PTPRR: variants seen among roughly 807,000 people sequenced by gnomAD.
PTPRR encodes receptor-type tyrosine-protein phosphatase R.
Under a neutral mutation model 77.2 loss-of-function variants are expected in PTPRR, and 38 were observed. That is an observed-to-expected ratio of 0.49 (90% confidence interval 0.38 to 0.65). The LOEUF is 0.65. Among genes scored for constraint, PTPRR ranks in the 30% least tolerant of loss-of-function variants. The probability of loss-of-function intolerance (pLI) is 0.00; values close to 1 mark genes in which losing one functional copy is unlikely to be tolerated. For missense variants in PTPRR, 744 were observed against 799.2 expected, an observed-to-expected ratio of 0.93 and a Z score of 0.83; for synonymous variants, 299 against 283.1, an observed-to-expected ratio of 1.06 and a Z score of -0.57.
chr12:70,761,719 C>A, intron 3 of PTPRR, 93 bp from the exon 4 acceptor site: 1 of 1,011,200 alleles, frequency 9.9e-7, no homozygotes, highest in South Asian at 2.7e-5. Flanking sequence ...TAAAGGAAGT[C>A]AGAATTCTAG....
chr12:70,848,610 C>G (rs1018027503), intron 2 of PTPRR, among the ~76,000 whole-genome samples: 2 of 152,142 alleles, frequency 1.3e-5, no homozygotes, highest in African/African-American at 4.8e-5. Flanking sequence ...ACATGAGCAA[C>G]CACATCCAGC....
At chr12:70,679,062 T>C (rs1424598721) in intron 10 of PTPRR, among the ~76,000 whole-genome samples, 1 of 152,238 alleles carries the variant, frequency 6.6e-6, no homozygotes. Context: ...TAAGCATTTA[T>C]TGATATAAAC....
chr12:70,692,759 C>A (rs2136758436), intron 8 of PTPRR, among the ~76,000 whole-genome samples: 1 of 152,278 alleles, frequency 6.6e-6, no homozygotes, highest in African/African-American at 2.4e-5. Context: ...GAAGTTCTCC[C>A]TGACCTTCCC....
rs560643236 is a variant in PTPRR at position 70,869,498 on chromosome 12, T to C, written c.357+23181A>G. 2.6e-5 allele frequency among the ~76,000 whole-genome samples: 4 copies of C among 152,336 alleles called. 1 individual carries two copies. The South Asian group carries it at 6.2e-4, about 24-fold the overall frequency. ...TTAGCAACTGTGGTAGACTGAATAATAGGCCCCCAAAGAGGTCTGTGTTTT... is the reference window on the plus strand; with the variant it reads ...TTAGCAACTGTGGTAGACTGAATAACAGGCCCCCAAAGAGGTCTGTGTTTT... On this transcript the variant is annotated intron_variant, in intron 2 of 13. Coordinates refer to ENST00000283228, the MANE Select transcript of PTPRR (RefSeq NM_002849.4).
intron 2 of PTPRR, among the ~76,000 whole-genome samples, chr12:70,860,859 C>T (rs1292160925): frequency 1.3e-5 from 2 of 152,080 alleles, no homozygotes; most frequent in African/African-American, 4.8e-5. Context: ...ACAACTGAAG[C>T]CTCTTCCTTG....
chr12:70,903,216 T>C (rs553928477), intron 1 of PTPRR, among the ~76,000 whole-genome samples: 57 of 151,962 alleles, frequency 3.8e-4, no homozygotes, highest in Admixed American at 3.3e-3. Flanking sequence ...CAATAATTTA[T>C]TGTGTATTTC....
At position 70,892,674 on chromosome 12, in the gene PTPRR, C is replaced by T. The variant is rs757532249; in HGVS notation, c.357+5G>A. The T allele has an allele frequency of 1.2e-6, 2 of 1,612,706 alleles. No individual in the cohort carries two copies. Among genetic ancestry groups the T allele is most frequent in the Non-Finnish European group, 1.7e-6 (2 of 1,178,942 alleles). The stretch of plus-strand genomic sequence containing the variant: ...GCCTCAGCATCAGTTTAACATACTA[C>T]TTACCACCACAATTACATTTGCTGC... On this transcript the variant is annotated splice_donor_5th_base_variant and intron_variant, in intron 2 of 13. Coordinates refer to ENST00000283228, the MANE Select transcript of PTPRR (RefSeq NM_002849.4).
chr12:70,850,738 T>A (rs4760765), intron 2 of PTPRR, among the ~76,000 whole-genome samples: 1 of 152,004 alleles, frequency 6.6e-6, no homozygotes, highest in African/African-American at 2.4e-5. Flanking sequence ...TTGATGTACC[T>A]TTCACTCTCG....
intron 8 of PTPRR, among the ~76,000 whole-genome samples, chr12:70,686,091 C>A (rs116540554): frequency 1.3e-5 from 2 of 152,160 alleles, no homozygotes; most frequent in South Asian, 4.1e-4. Flanking sequence ...AAATTCAATG[C>A]TTTTCAGCTT....
At chr12:70,793,447 G>A (rs1202693883) in intron 2 of PTPRR, among the ~76,000 whole-genome samples, 2 of 152,112 alleles carry the variant, frequency 1.3e-5, no homozygotes, top group Non-Finnish European at 2.9e-5. Context: ...GGTGGAAGTG[G>A]TCCAGTCAAA....
chr12:70,763,386 C>G (rs763248102), intron 3 of PTPRR, among the ~76,000 whole-genome samples: 3 of 152,166 alleles, frequency 2.0e-5, no homozygotes, highest in Non-Finnish European at 4.4e-5. Context: ...ACCCTCCTGG[C>G]CTCCCAAAGT....
At chr12:70,682,743 A>T (rs748160157) in intron 10 of PTPRR, among the ~76,000 whole-genome samples, 5 of 152,272 alleles carry the variant, frequency 3.3e-5, no homozygotes, top group South Asian at 2.1e-4. Flanking sequence ...CTGTGAAGGA[A>T]TTGTCAGTGG....
At chr12:70,833,393 T>A (rs529207720) in intron 2 of PTPRR, among the ~76,000 whole-genome samples, 1 of 152,082 alleles carries the variant, frequency 6.6e-6, no homozygotes, top group South Asian at 2.1e-4. Flanking sequence ...ATGGAGGTGA[T>A]GAATTCAGTG....
intron 5 of PTPRR, among the ~76,000 whole-genome samples, chr12:70,750,927 A>G (rs1348522360): frequency 6.7e-6 from 1 of 148,830 alleles, no homozygotes. Flanking sequence ...TTTTGTAAAG[A>G]CAGGGTCTCA....
At chr12:70,837,716 T>C (rs568750979) in intron 2 of PTPRR, among the ~76,000 whole-genome samples, 1 of 152,188 alleles carries the variant, frequency 6.6e-6, no homozygotes, top group South Asian at 2.1e-4. Flanking sequence ...TGGGTTTTCA[T>C]GGAGGCTTCA....
intron 10 of PTPRR, chr12:70,664,811 C>T (rs557029554): frequency 8.6e-4 from 131 of 152,276 alleles, no homozygotes; most frequent in African/African-American, 3.1e-3. Context: ...CATCCCATCT[C>T]CTTTCTGAGA....
chr12:70,804,943 T>C (rs1261291539), intron 2 of PTPRR, among the ~76,000 whole-genome samples: 1 of 152,228 alleles, frequency 6.6e-6, no homozygotes, highest in Non-Finnish European at 1.5e-5. Context: ...AAAGATCATG[T>C]CCATATATTC....
At chr12:70,909,328 T>C (rs1322426528) in intron 1 of PTPRR, among the ~76,000 whole-genome samples, 1 of 152,168 alleles carries the variant, frequency 6.6e-6, no homozygotes, top group Non-Finnish European at 1.5e-5. Flanking sequence ...ACATCAAAGA[T>C]ATGTGGACAG....
At chr12:70,685,326 G>T (rs1205667752) in intron 8 of PTPRR, among the ~76,000 whole-genome samples, 2 of 151,958 alleles carry the variant, frequency 1.3e-5, no homozygotes, top group African/African-American at 4.8e-5. Context: ...GGGGAAGAGG[G>T]AGGTTGCAAA....
Sources: gnomAD v4.1 joint callset for allele counts (sites outside exome capture counted in the v4.1 genomes callset) on GRCh38, gnomAD v4.1.1 for gene constraint, MANE v1.5 for transcripts, NCBI Gene and HGNC (gene_info 2026-07-23, HGNC 2026-07-21) for gene names.